Variants in SMG7 observed in about 807,000 individuals in gnomAD.
The protein encoded by SMG7 is SMG7 nonsense mediated mRNA decay factor.
A neutral mutation model predicts 148.2 loss-of-function variants in SMG7; 34 were observed. That is an observed-to-expected ratio of 0.23 (90% CI 0.17 to 0.31). The LOEUF (loss-of-function observed/expected upper bound fraction) is 0.31, where lower values mean the gene tolerates loss of function less well. Among genes scored for constraint, SMG7 ranks in the 10% least tolerant of loss-of-function variants. The pLI is 1.00. For missense variants in SMG7, 1,114 were observed against 1,408.4 expected, an observed-to-expected ratio of 0.79 and a Z score of 3.35; for synonymous variants, 492 against 515.1, an observed-to-expected ratio of 0.96 and a Z score of 0.61.
chr1:183,515,034 G>A (rs1212216012), intron 2 of SMG7, among the ~76,000 whole-genome samples: 1 of 152,206 alleles, frequency 6.6e-6, no homozygotes, highest in East Asian at 1.9e-4. Flanking sequence ...TTCACCTACT[G>A]AGGGAGTTTA....
intron 3 of SMG7, 196 bp downstream of exon 3, chr1:183,516,187 A>G (rs941057180): frequency 1.4e-5 from 7 of 503,000 alleles, no homozygotes; most frequent in South Asian, 7.6e-5. Flanking sequence ...AAGAAGAGAA[A>G]TGTTTAGAGT....
intron 1 of SMG7, among the ~76,000 whole-genome samples, chr1:183,507,348 C>A (rs1661151515): frequency 6.6e-6 from 1 of 152,096 alleles, no homozygotes; most frequent in South Asian, 2.1e-4. Context: ...GTATTGAAAG[C>A]CCCAGTTCTA....
intron 22 of SMG7, 108 bp downstream of exon 22, chr1:183,551,298 C>T: frequency 9.8e-7 from 1 of 1,017,024 alleles, no homozygotes; most frequent in Non-Finnish European, 1.4e-6. Flanking sequence ...TTGACTGATA[C>T]ATAGCACATA....
intron 1 of SMG7, among the ~76,000 whole-genome samples, chr1:183,503,695 A>G (rs1660260767): frequency 6.6e-6 from 1 of 152,218 alleles, no homozygotes; most frequent in Non-Finnish European, 1.5e-5. Flanking sequence ...AAGTAATTTG[A>G]TGGTCATTGA....
intron 1 of SMG7, among the ~76,000 whole-genome samples, chr1:183,476,753 GT>G (rs1444275361): frequency 6.6e-6 from 1 of 151,848 alleles, no homozygotes; most frequent in Non-Finnish European, 1.5e-5. Context: ...ACTTTGTTAT[GT>G]TTTATAAAAA....
At chr1:183,540,947 A>AT in intron 12 of SMG7, 37 bp from the exon 13 acceptor site, 1 of 1,605,312 alleles carries the variant, frequency 6.2e-7, no homozygotes, top group Non-Finnish European at 8.5e-7. Flanking sequence ...ATCTTTAGCA[A>AT]TTTAATATTC....
Position 183,529,398 on chromosome 1 carries a change from C to T in SMG7, c.708C>T (p.Ser236=). The change falls in exon 8 of 23, where the codon AGC becomes AGT. Residue 236 remains serine (S), a splice_region_variant and synonymous_variant. Coordinates refer to ENST00000688051, the MANE Select transcript of SMG7 (RefSeq NM_001375584.1). ...ATGGAATTTTTTTCTTTCATTTCAG[C>T]CGAGATGAGGTGAAAACCAAGTGGG... ...LQKALSKALE[S]RDEVKTKWGV... is the part of the protein sequence containing the mutation. The T allele has an allele frequency of 6.2e-7, 1 of 1,608,052 alleles. No homozygotes were observed. Among genetic ancestry groups the T allele is most frequent in the Non-Finnish European group, 8.5e-7 (1 of 1,178,102 alleles).
intron 1 of SMG7, among the ~76,000 whole-genome samples, chr1:183,500,763 G>A (rs985286345): frequency 6.6e-6 from 1 of 152,094 alleles, no homozygotes; most frequent in Non-Finnish European, 1.5e-5. Context: ...TAGGATGAGT[G>A]AAAAAGCATG....
At chr1:183,534,866 C>T (rs1305126569) in intron 10 of SMG7, among the ~76,000 whole-genome samples, 1 of 151,812 alleles carries the variant, frequency 6.6e-6, no homozygotes, top group Non-Finnish European at 1.5e-5. Flanking sequence ...AAAAGAAAGA[C>T]CTTATGGTCT....
intron 2 of SMG7, among the ~76,000 whole-genome samples, chr1:183,515,407 G>T (rs1231932192): frequency 6.6e-6 from 1 of 152,154 alleles, no homozygotes; most frequent in East Asian, 1.9e-4. Context: ...AAGGACATTT[G>T]TGGGAGTCCT....
chr1:183,519,875 A>G (rs555076495), intron 4 of SMG7, among the ~76,000 whole-genome samples: 1 of 152,294 alleles, frequency 6.6e-6, no homozygotes, highest in East Asian at 1.9e-4. Context: ...TCAAATTGAA[A>G]TCATTAGAAA....
At chr1:183,516,819 T>C (rs533630534) in intron 3 of SMG7, among the ~76,000 whole-genome samples, 1 of 152,208 alleles carries the variant, frequency 6.6e-6, no homozygotes, top group Non-Finnish European at 1.5e-5. Context: ...TCAGAAATGC[T>C]GAGGGAAGTG....
rs3835734 is a variant in SMG7 at position 183,552,375 on chromosome 1, ATTATTC to A, written c.*448_*453del. 130,171 of 990,052 alleles carry A rather than the reference ATTATTC, an allele frequency of 0.13. 9,173 individuals are homozygous for A. Among genetic ancestry groups the A allele is most frequent in the African/African-American group, 0.27 (15,395 of 57,336 alleles). The allele number at this position is 990,052 out of a possible 1,614,324, so 61.3% of individuals were successfully genotyped here. ...TTTGCTGACTGAGAATGTAGTTGAA[ATTATTC>A]TTAAACATCTTTTATTATTATTACT... On this transcript the variant is annotated 3_prime_UTR_variant, in exon 23 of 23. Coordinates refer to ENST00000688051, the MANE Select transcript of SMG7 (RefSeq NM_001375584.1).
chr1:183,546,121 G>A lies in SMG7; in HGVS notation c.2526G>A (p.Gln842=). 1 of 1,613,854 alleles carries A rather than the reference G, an allele frequency of 6.2e-7. No homozygotes were observed. The highest frequency in any genetic ancestry group is 8.5e-7 in the Non-Finnish European group (1 of 1,179,942). ...EPSLQPPVMQ[Q]QPLEKKMKPF... ...CATTGCAACCTCCTGTAATGCAGCA[G>A]CAGCCTCTAGAAAAAAAAATGAAGC... is the stretch of plus-strand genomic sequence containing the variant. Residue 842 remains glutamine (Q), a synonymous_variant, in exon 17 of 23, where the codon CAG becomes CAA. Transcript: ENST00000688051.
At chr1:183,538,593 G>C (rs973853043) in intron 12 of SMG7, among the ~76,000 whole-genome samples, 153 bp downstream of exon 12, 3 of 152,102 alleles carry the variant, frequency 2.0e-5, no homozygotes, top group Admixed American at 6.6e-5. Flanking sequence ...TTGTGAATTG[G>C]ATTTGTGTAT....
chr1:183,531,068 A>C (rs1429914960), intron 8 of SMG7, among the ~76,000 whole-genome samples: 1 of 152,118 alleles, frequency 6.6e-6, no homozygotes, highest in African/African-American at 2.4e-5. Context: ...TTAAACATAA[A>C]ACATAGTATG....
At chr1:183,522,886 C>T (rs555037638) in intron 4 of SMG7, among the ~76,000 whole-genome samples, 1 of 152,010 alleles carries the variant, frequency 6.6e-6, no homozygotes, top group African/African-American at 2.4e-5. Flanking sequence ...GTGATCCTTC[C>T]CCACCTCAGC....
chr1:183,544,407 C>A lies in SMG7; in HGVS notation c.1897C>A (p.Pro633Thr), dbSNP rs763600326. 1.1e-5 allele frequency: 17 copies of A among 1,613,730 alleles called. No homozygotes were observed. The highest frequency in any genetic ancestry group is 1.4e-5 in the Non-Finnish European group (17 of 1,179,808). ...TCCAGTGTCTGAAGCCAGAAAAACA[C>A]CTGTAACTCAAACCCCAACTCAAGC... ...KTPVSEARKT[P>T]VTQTPTQASN... Residue 633 changes from proline (P) to threonine (T), a missense_variant, in exon 15 of 23, where the codon CCT becomes ACT. Pro to Thr is a conservative substitution (Grantham distance 38, BLOSUM62 -1). Coordinates refer to ENST00000688051, the MANE Select transcript of SMG7 (RefSeq NM_001375584.1).
chr1:183,531,908 A>G (rs139768781), intron 8 of SMG7, among the ~76,000 whole-genome samples: 2 of 152,174 alleles, frequency 1.3e-5, no homozygotes, highest in African/African-American at 4.8e-5. Flanking sequence ...TTTTGTGGGA[A>G]AATTCTAGAG....
Sources: allele counts gnomAD v4.1 joint callset (sites outside exome capture counted in the v4.1 genomes callset), GRCh38; gene constraint gnomAD v4.1.1; transcripts MANE v1.5; gene names NCBI Gene and HGNC (gene_info 2026-07-23, HGNC 2026-07-21).